The following NEK6 variants were observed in gnomAD, a reference collection of about 807,000 sequenced individuals.
The protein encoded by NEK6 is serine/threonine-protein kinase Nek6.
In NEK6, 27 loss-of-function variants were observed where a neutral mutation model predicts 43.5. The ratio of observed to expected loss-of-function variants is 0.62; its 90% CI spans 0.46 to 0.86. The LOEUF is 0.86. NEK6 is among the 40% of genes least tolerant of loss of function. The pLI, the probability that NEK6 is intolerant of heterozygous loss-of-function variation, is 0.00. For missense variants in NEK6, 318 were observed against 414.4 expected, an observed-to-expected ratio of 0.77 and a Z score of 2.02; for synonymous variants, 167 against 164.1, an observed-to-expected ratio of 1.02 and a Z score of -0.14.
intron 1 of NEK6, among the ~76,000 whole-genome samples, chr9:124,269,353 AC>A (rs1831337293): frequency 6.7e-6 from 1 of 149,304 alleles, no homozygotes; most frequent in African/African-American, 2.5e-5. Flanking sequence ...TGCCTGGGTG[AC>A]CCCTTGCTTG....
rs370693631 is a variant in NEK6, at chr9:124,327,489, G to C, written c.622+44G>C. 517 of 1,495,386 alleles carry C rather than the reference G, an allele frequency of 3.5e-4. 5 individuals carry two copies. In the South Asian group the frequency reaches 5.5e-3, roughly 16 times the overall value. The allele number at this position is 1,495,386 out of a possible 1,614,324, so 92.6% of individuals were successfully genotyped here. A position where few individuals can be genotyped will look rare whatever the true frequency, so the allele number is the denominator to read the frequency against. On this transcript the variant is annotated intron_variant, in intron 7 of 9. Transcript: ENST00000320246. ...TGCCCCAGCAGCCCCCAGCGGTCCT[G>C]GTGACCATGCAGGGAGACGCAAACA...
rs563799429 is a variant in NEK6, at chr9:124,276,405, G to A, written c.-30+18320G>A. Among the ~76,000 whole-genome samples the A allele has an allele frequency of 9.8e-5, 15 of 152,288 alleles. No homozygotes were observed. The South Asian group carries it at 1.0e-3, about 11-fold the overall frequency. On this transcript the variant is annotated intron_variant, in intron 1 of 9. Coordinates refer to ENST00000320246, the MANE Select transcript of NEK6 (RefSeq NM_014397.6). ...CCTCTGACCCTGGCCCTTCATACCT[G>A]GATCTGGCTTGGGAGCAGGGTGAGG...
intron 1 of NEK6, among the ~76,000 whole-genome samples, chr9:124,279,145 C>T (rs1483511700): frequency 1.3e-5 from 2 of 151,920 alleles, no homozygotes; most frequent in Admixed American, 6.6e-5. Context: ...GCTGTGATAC[C>T]GGAGGCATCA....
intron 1 of NEK6, among the ~76,000 whole-genome samples, chr9:124,282,055 G>A (rs983466330): frequency 6.6e-6 from 1 of 152,232 alleles, no homozygotes; most frequent in Non-Finnish European, 1.5e-5. Context: ...GTGCGGTGGG[G>A]CGTATTGGTT....
chr9:124,313,099 G>A (rs1029357391), intron 3 of NEK6, among the ~76,000 whole-genome samples: 19 of 152,170 alleles, frequency 1.2e-4, no homozygotes, highest in Admixed American at 2.6e-4. Flanking sequence ...TAGGTCAAGC[G>A]GCAAAGTCAG....
chr9:124,293,225 C>T (rs757100317), intron 1 of NEK6, among the ~76,000 whole-genome samples: 2 of 152,168 alleles, frequency 1.3e-5, no homozygotes, highest in African/African-American at 4.8e-5. Flanking sequence ...TGCATGAGCT[C>T]GACAAGTCAT....
intron 1 of NEK6, among the ~76,000 whole-genome samples, chr9:124,289,295 A>G (rs1832307467): frequency 6.6e-6 from 1 of 151,450 alleles, no homozygotes; most frequent in Non-Finnish European, 1.5e-5. Flanking sequence ...GAGGATGTCC[A>G]GGTCAGGACT....
At chr9:124,274,668 T>C (rs947862998) in intron 1 of NEK6, among the ~76,000 whole-genome samples, 1 of 152,194 alleles carries the variant, frequency 6.6e-6, no homozygotes, top group Non-Finnish European at 1.5e-5. Context: ...GGTTTTTGCT[T>C]TCATGTAAGA....
At chr9:124,344,892 G>A (rs1044454495) in intron 8 of NEK6, among the ~76,000 whole-genome samples, 2 of 152,210 alleles carry the variant, frequency 1.3e-5, no homozygotes, top group Non-Finnish European at 2.9e-5. Context: ...AGGCCTGGAC[G>A]CCCCTCCGTG....
At chr9:124,280,337 G>A (rs1831841765) in intron 1 of NEK6, among the ~76,000 whole-genome samples, 1 of 152,244 alleles carries the variant, frequency 6.6e-6, no homozygotes, top group South Asian at 2.1e-4. Context: ...AGGAGGGAGG[G>A]GAGTTGAAAT....
At chr9:124,283,031 T>C (rs1224875963) in intron 1 of NEK6, among the ~76,000 whole-genome samples, 1 of 152,184 alleles carries the variant, frequency 6.6e-6, no homozygotes, top group Non-Finnish European at 1.5e-5. Flanking sequence ...CCCAGAGGCC[T>C]TTATCTATTT....
At chr9:124,350,396 G>T (rs1830194029) in intron 9 of NEK6, among the ~76,000 whole-genome samples, 1 of 139,732 alleles carries the variant, frequency 7.2e-6, no homozygotes, top group African/African-American at 2.6e-5. Context: ...GGGGCCGGGG[G>T]TGGGCAGACT....
chr9:124,314,262 C>A (rs1000740204), intron 4 of NEK6, among the ~76,000 whole-genome samples: 8 of 152,124 alleles, frequency 5.3e-5, no homozygotes, highest in African/African-American at 1.9e-4. Context: ...CAGTACCCGG[C>A]ATAGAAGTCC....
At chr9:124,263,489 T>G (rs984897419) in intron 1 of NEK6, among the ~76,000 whole-genome samples, 2 of 152,156 alleles carry the variant, frequency 1.3e-5, no homozygotes, top group African/African-American at 4.8e-5. Context: ...CTCAGAAGCT[T>G]CGGGGGAGGA....
chr9:124,284,334 C>T (rs973317642), intron 1 of NEK6, among the ~76,000 whole-genome samples: 7 of 152,198 alleles, frequency 4.6e-5, no homozygotes, highest in Non-Finnish European at 1.0e-4. Flanking sequence ...GGGCGAAGAC[C>T]GAGACTCCGT....
intron 1 of NEK6, among the ~76,000 whole-genome samples, chr9:124,285,054 C>G (rs902463452): frequency 1.3e-5 from 2 of 152,206 alleles, no homozygotes; most frequent in African/African-American, 4.8e-5. Flanking sequence ...GAGGAAAACA[C>G]ATCAGCAGAT....
At position 124,321,208 on chromosome 9, in the gene NEK6, A is replaced by G. The variant is rs1467604859; in HGVS notation, c.295-251A>G. On this transcript the variant is annotated intron_variant, in intron 4 of 9. Transcript: ENST00000320246. ...AGTATTGACCCATGTCGTCTTCACAACTATGCTTCAAAACATTATGCCAGT... is the reference window on the plus strand; with the variant it reads ...AGTATTGACCCATGTCGTCTTCACAGCTATGCTTCAAAACATTATGCCAGT... Among the ~76,000 whole-genome samples the G allele has an allele frequency of 5.9e-5, 9 of 152,340 alleles. No homozygotes were observed. The East Asian group carries it at 1.7e-3, about 29-fold the overall frequency.
At chr9:124,294,855 G>C (rs575224940) in intron 1 of NEK6, among the ~76,000 whole-genome samples, 1 of 152,330 alleles carries the variant, frequency 6.6e-6, no homozygotes, top group South Asian at 2.1e-4. Flanking sequence ...GGCTGCAGGG[G>C]AGTGTGGAGG....
chr9:124,270,990 G>A (rs1831414568), intron 1 of NEK6, among the ~76,000 whole-genome samples: 1 of 152,188 alleles, frequency 6.6e-6, no homozygotes, highest in African/African-American at 2.4e-5. Context: ...CACAGAGCAA[G>A]GGCCTTATGT....
Sources: gnomAD v4.1 joint callset for allele counts (sites outside exome capture counted in the v4.1 genomes callset) on GRCh38, gnomAD v4.1.1 for gene constraint, MANE v1.5 for transcripts, NCBI Gene and HGNC (gene_info 2026-07-23, HGNC 2026-07-21) for gene names.